UBE2V2: variants seen among roughly 807,000 people sequenced by gnomAD.
UBE2V2 encodes the protein ubiquitin conjugating enzyme E2 V2.
Under a neutral mutation model 17.2 loss-of-function variants are expected in UBE2V2, and 9 were observed. The observed-to-expected ratio is 0.52, with a 90% CI of 0.32 to 0.91. The LOEUF (loss-of-function observed/expected upper bound fraction) is 0.91, where lower values mean the gene tolerates loss of function less well. Ranked by LOEUF, UBE2V2 falls within the 40% of genes least tolerant of loss-of-function variation. The pLI is 0.04. For missense variants in UBE2V2, 133 were observed against 182.6 expected (o/e 0.73, Z 1.56); for synonymous variants, 61 against 57.5 (o/e 1.06, Z -0.28).
At chr8:48,003,079 G>A in the UBE2V2 span, among the ~76,000 whole-genome samples, 63 of 152,052 alleles carry the variant, frequency 4.1e-4, 3 homozygotes, top group South Asian at 0.013. Flanking sequence ...GCATGGTGGC[G>A]CATGCCTGTA....
chr8:48,009,471 G>T (rs1405516541), intron 1 of UBE2V2, among the ~76,000 whole-genome samples: 1 of 151,912 alleles, frequency 6.6e-6, no homozygotes, highest in Non-Finnish European at 1.5e-5. Flanking sequence ...TTGTCATGTT[G>T]GCCAGACTGG....
At chr8:48,051,268 T>G (rs1410020802) in intron 3 of UBE2V2, among the ~76,000 whole-genome samples, 1 of 152,126 alleles carries the variant, frequency 6.6e-6, no homozygotes, top group African/African-American at 2.4e-5. Flanking sequence ...AAGCCTAGGC[T>G]CTCTTGGTGC....
intron 1 of UBE2V2, among the ~76,000 whole-genome samples, chr8:48,013,931 T>C (rs376500204): frequency 5.3e-5 from 8 of 152,334 alleles, no homozygotes; most frequent in African/African-American, 1.9e-4. Context: ...CCATCCCATC[T>C]GTGAAAAGAT....
chr8:48,036,323 G>A (rs1406210477), intron 1 of UBE2V2, among the ~76,000 whole-genome samples: 1 of 152,038 alleles, frequency 6.6e-6, no homozygotes, highest in Non-Finnish European at 1.5e-5. Flanking sequence ...CAAATGAAAT[G>A]AAGGAATATT....
intron 1 of UBE2V2, among the ~76,000 whole-genome samples, chr8:48,011,317 A>C (rs898551209): frequency 6.6e-6 from 1 of 150,978 alleles, no homozygotes; most frequent in African/African-American, 2.4e-5. Context: ...ACAGGCATGC[A>C]CCACCACGCC....
the UBE2V2 span, among the ~76,000 whole-genome samples, chr8:48,001,557 C>T: frequency 1.3e-5 from 2 of 152,034 alleles, no homozygotes; most frequent in Non-Finnish European, 2.9e-5. Flanking sequence ...TGTGATGGTG[C>T]CACTGCACTC....
At chr8:48,050,070 A>T in intron 3 of UBE2V2, 92 bp downstream of exon 3, 6 of 920,520 alleles carry the variant, frequency 6.5e-6, no homozygotes, top group African/African-American at 1.7e-5. Context: ...TAAGATATTA[A>T]TATGTAGTTA....
chr8:48,036,507 C>T (rs1325391878), intron 1 of UBE2V2, among the ~76,000 whole-genome samples: 1 of 151,942 alleles, frequency 6.6e-6, no homozygotes, highest in Non-Finnish European at 1.5e-5. Context: ...GATCTTGGCT[C>T]ACTGCAACCT....
chr8:48,056,726 T>C (rs1217326822), intron 3 of UBE2V2, among the ~76,000 whole-genome samples: 1 of 151,822 alleles, frequency 6.6e-6, no homozygotes, highest in Non-Finnish European at 1.5e-5. Flanking sequence ...TGTAGTAAGT[T>C]TTTTTGTTTG....
chr8:48,056,614 A>T (rs1174396006), intron 3 of UBE2V2, among the ~76,000 whole-genome samples: 1 of 152,038 alleles, frequency 6.6e-6, no homozygotes, highest in East Asian at 1.9e-4. Context: ...CTGGTCTCGA[A>T]CTCCTGGGCT....
At chr8:48,027,518 G>C (rs2091353712) in intron 1 of UBE2V2, among the ~76,000 whole-genome samples, 1 of 152,050 alleles carries the variant, frequency 6.6e-6, no homozygotes, top group African/African-American at 2.4e-5. Flanking sequence ...TTAATTTTTT[G>C]AGACAGGTTC....
intron 1 of UBE2V2, among the ~76,000 whole-genome samples, chr8:48,030,019 T>A (rs1157153575): frequency 6.6e-6 from 1 of 152,194 alleles, no homozygotes; most frequent in Admixed American, 6.6e-5. Flanking sequence ...TTCCACTCCC[T>A]AGTGTATTCT....
intron 1 of UBE2V2, among the ~76,000 whole-genome samples, chr8:48,016,718 G>C (rs2091271255): frequency 6.6e-6 from 1 of 150,732 alleles, no homozygotes; most frequent in Non-Finnish European, 1.5e-5. Flanking sequence ...CCAACCTCAG[G>C]TGATCTTCCC....
intron 1 of UBE2V2, among the ~76,000 whole-genome samples, chr8:48,012,610 C>T (rs1342377026): frequency 2.6e-5 from 4 of 151,582 alleles, no homozygotes; most frequent in Non-Finnish European, 4.4e-5. Context: ...TCCAGCTACT[C>T]GGAAGGCTGA....
At chr8:48,060,241 A>G (rs1195717794) in intron 3 of UBE2V2, among the ~76,000 whole-genome samples, 1 of 151,134 alleles carries the variant, frequency 6.6e-6, no homozygotes, top group Non-Finnish European at 1.5e-5. Flanking sequence ...AAAGGAAAGA[A>G]TAATTAGGAA....
chr8:48,012,071 G>C (rs549313693), intron 1 of UBE2V2, among the ~76,000 whole-genome samples: 1 of 152,328 alleles, frequency 6.6e-6, no homozygotes, highest in South Asian at 2.1e-4. Flanking sequence ...GTACAGGCAA[G>C]ACTAGAATCC....
chr8:48,048,478 G>C (rs2091514629), intron 2 of UBE2V2, among the ~76,000 whole-genome samples: 1 of 152,120 alleles, frequency 6.6e-6, no homozygotes, highest in Non-Finnish European at 1.5e-5. Context: ...TAGAATTGCT[G>C]TATCATAGGG....
Position 48,008,581 on chromosome 8 carries a change from C to T in UBE2V2, c.16+111C>T, listed in dbSNP as rs548122946. 17 of 1,420,230 alleles carry T rather than the reference C, an allele frequency of 1.2e-5. 1 individual carries two copies. In the South Asian group the frequency reaches 1.4e-4, roughly 11 times the overall value. The allele number at this position is 1,420,230 out of a possible 1,614,324, so 88.0% of individuals were successfully genotyped here. A position where few individuals can be genotyped will look rare whatever the true frequency, so the allele number is the denominator to read the frequency against. Reference sequence around the variant, plus strand: ...TGCGGGAGAAGCCCGAGTGCGCTGTCTCGAATGCCGCGCTCTCCGCAGAGC... The same window carrying T: ...TGCGGGAGAAGCCCGAGTGCGCTGTTTCGAATGCCGCGCTCTCCGCAGAGC... On this transcript the variant is annotated intron_variant, in intron 1 of 3. Coordinates refer to ENST00000523111, the MANE Select transcript of UBE2V2 (RefSeq NM_003350.3).
chr8:48,012,226 T>C (rs1046674053), intron 1 of UBE2V2, among the ~76,000 whole-genome samples: 3 of 152,190 alleles, frequency 2.0e-5, no homozygotes, highest in Admixed American at 6.5e-5. Flanking sequence ...ATCCTTCTTA[T>C]GGATGAAAGG....
Sources: gnomAD v4.1 joint callset for allele counts (sites outside exome capture counted in the v4.1 genomes callset) on GRCh38, gnomAD v4.1.1 for gene constraint, MANE v1.5 for transcripts, NCBI Gene and HGNC (gene_info 2026-07-23, HGNC 2026-07-21) for gene names.